The following GGTA1 variants were observed in gnomAD, a reference collection of about 807,000 sequenced individuals.
The protein encoded by GGTA1 is glycoprotein alpha-galactosyltransferase 1 (inactive).
GGTA1 carries 5 observed loss-of-function variants against 2.6 expected under a neutral mutation model. The observed-to-expected ratio is 1.92, with a 90% CI of 1.00 to 4.04. The LOEUF (loss-of-function observed/expected upper bound fraction) is 4.04. Ranked by LOEUF, GGTA1 falls within the 30% of genes most tolerant of loss-of-function variation. The probability of loss-of-function intolerance (pLI) is 0.00; values close to 1 mark genes in which losing one functional copy is unlikely to be tolerated. For synonymous variants in GGTA1, 17 were observed against 5.0 expected (o/e 3.38, Z -3.19); for missense variants, 50 against 16.7 (o/e 2.99, Z -3.47).
chr9:121,486,984 G>T (rs1185315216), intron 1 of GGTA1, among the ~76,000 whole-genome samples: 2 of 152,166 alleles, frequency 1.3e-5, no homozygotes, highest in Non-Finnish European at 2.9e-5. Context: ...AAACGAATCT[G>T]AAGACCAGCC....
intron 2 of GGTA1, among the ~76,000 whole-genome samples, chr9:121,465,318 C>T (rs557329826): frequency 1.3e-5 from 2 of 152,264 alleles, no homozygotes; most frequent in Non-Finnish European, 2.9e-5. Context: ...CGACTCCAGG[C>T]AGGAACCCCA....
intron 1 of GGTA1, among the ~76,000 whole-genome samples, chr9:121,475,235 A>T (rs889758992): frequency 1.3e-5 from 2 of 152,134 alleles, no homozygotes; most frequent in Admixed American, 1.3e-4. Flanking sequence ...CTACACTCCC[A>T]CCAGCACCAT....
chr9:121,480,046 T>TTTTTCTTTTCTTTTC lies in GGTA1; in HGVS notation c.-9-12130_-9-12116dup, dbSNP rs1244948883. On this transcript the variant is annotated intron_variant, in intron 1 of 5. Transcript: ENST00000481799. Reference sequence around the variant, plus strand: ...GGGCAGTGGATTTTCTTTCTTTCTTTTTTTCTTTTCTTTTCTTTTTTTTTT... The same window carrying TTTTTCTTTTCTTTTC: ...GGGCAGTGGATTTTCTTTCTTTCTTTTTTTCTTTTCTTTTCTTTTCTTTTCTTTTCTTTTTTTTTT... Among the ~76,000 whole-genome samples the TTTTTCTTTTCTTTTC allele has an allele frequency of 8.9e-4, 131 of 147,590 alleles. 2 individuals carry two copies. Among genetic ancestry groups the TTTTTCTTTTCTTTTC allele is most frequent in the Non-Finnish European group, 1.0e-3 (68 of 66,998 alleles).
At chr9:121,488,329 A>G (rs1828803710) in intron 1 of GGTA1, among the ~76,000 whole-genome samples, 3 of 152,032 alleles carry the variant, frequency 2.0e-5, no homozygotes, top group East Asian at 1.9e-4. Flanking sequence ...TAATCAATTC[A>G]TGTTCATTGA....
rs1413250868 is a variant in GGTA1, at chr9:121,463,322, T to A, written c.87A>T (p.Glu29Asp). Residue 29 changes from glutamate to aspartate, a missense_variant, in exon 3 of 6, where the codon GAA (glutamate) becomes GAT (aspartate). Coordinates refer to ENST00000481799, the MANE Select transcript of GGTA1 (RefSeq NM_001382585.1). ...IVFWEFINST[E>D]GSFLWIYHSK... ...AGTGATATATCCACAAGAAAGAGCC[T>A]TCTGTGCTAAAAGCAAAAAAGAAAT... 2.2e-6 allele frequency: 1 copy of A among 451,268 alleles called. No individual in the cohort carries two copies. Among genetic ancestry groups the A allele is most frequent in the East Asian group, 7.0e-5 (1 of 14,282 alleles). 28.0% of individuals were successfully genotyped at this position (451,268 alleles called of 1,614,324 possible). A position where few individuals can be genotyped will look rare whatever the true frequency, so the allele number is the denominator to read the frequency against.
chr9:121,492,372 C>G (rs1001498870), intron 1 of GGTA1, among the ~76,000 whole-genome samples: 1 of 152,226 alleles, frequency 6.6e-6, no homozygotes, highest in Non-Finnish European at 1.5e-5. Flanking sequence ...CTAGCAGCAC[C>G]AGCACGGGGT....
At chr9:121,497,580 G>A (rs997138990) in intron 1 of GGTA1, among the ~76,000 whole-genome samples, 1 of 151,916 alleles carries the variant, frequency 6.6e-6, no homozygotes, top group South Asian at 2.1e-4. Context: ...AGCCCCTCAG[G>A]CTCCAGTCTT....
chr9:121,472,905 T>C (rs758708752), intron 1 of GGTA1, among the ~76,000 whole-genome samples: 1 of 152,090 alleles, frequency 6.6e-6, no homozygotes, highest in Non-Finnish European at 1.5e-5. Flanking sequence ...CAGAGATGTT[T>C]ATGATTTTTT....
At chr9:121,495,198 G>A (rs752994047) in intron 1 of GGTA1, among the ~76,000 whole-genome samples, 8 of 151,994 alleles carry the variant, frequency 5.3e-5, no homozygotes, top group Non-Finnish European at 1.0e-4. Flanking sequence ...GGGATTACAG[G>A]TGTGAGCCAC....
intron 7 of GGTA1, among the ~76,000 whole-genome samples, chr9:121,447,849 G>A (rs1175761028): frequency 6.6e-6 from 1 of 152,120 alleles, no homozygotes; most frequent in Non-Finnish European, 1.5e-5. Context: ...CAGTCCGTGG[G>A]GAGCTGGAAT....
At chr9:121,447,419 T>C (rs1228670313) in exon 8 of GGTA1, 3 of 152,652 alleles carry the variant, frequency 2.0e-5, no homozygotes, top group African/African-American at 2.4e-5. Context: ...ATCATGCTGA[T>C]GTCTTGCCAC....
intron 1 of GGTA1, among the ~76,000 whole-genome samples, chr9:121,491,078 A>G (rs928091739): frequency 3.9e-5 from 6 of 152,170 alleles, no homozygotes; most frequent in Non-Finnish European, 8.8e-5. Context: ...AGAGTTTGCT[A>G]CATCAAACAC....
rs939299642 is a variant in GGTA1, at chr9:121,490,389, C to G, written c.-10+9261G>C. ...CACCCGATCTCATCTGAAACCTCCCCAGAAGGCTTTTGCCCTCCCTCAGCT... is the reference window on the plus strand; with the variant it reads ...CACCCGATCTCATCTGAAACCTCCCGAGAAGGCTTTTGCCCTCCCTCAGCT... On this transcript the variant is annotated intron_variant, in intron 1 of 5. Coordinates refer to ENST00000481799, the MANE Select transcript of GGTA1 (RefSeq NM_001382585.1). 7.9e-5 allele frequency among the ~76,000 whole-genome samples: 12 copies of G among 152,334 alleles called. No individual in the cohort carries two copies. In the South Asian group the frequency reaches 2.5e-3, roughly 32 times the overall value.
At chr9:121,494,350 G>A (rs1371671414) in intron 1 of GGTA1, among the ~76,000 whole-genome samples, 1 of 152,234 alleles carries the variant, frequency 6.6e-6, no homozygotes, top group African/African-American at 2.4e-5. Context: ...TAAAGCCCAA[G>A]CCTTGGAAAC....
chr9:121,463,178 C>T (rs2064974737), intron 3 of GGTA1, 115 bp downstream of exon 3: 3 of 427,002 alleles, frequency 7.0e-6, no homozygotes, highest in African/African-American at 4.2e-5. Context: ...ACCCACCCAC[C>T]CCTCCGACTT....
intron 5 of GGTA1, among the ~76,000 whole-genome samples, chr9:121,457,611 G>T (rs78760739): frequency 6.7e-6 from 1 of 150,112 alleles, no homozygotes; most frequent in Non-Finnish European, 1.5e-5. Flanking sequence ...TGAGGCAGGA[G>T]AATGGCATGA....
rs1046979187 is a variant in GGTA1 at position 121,457,532 on chromosome 9, C to T, written c.299-1691G>A. ...TGGCTAACACGATGAAACCCCGTCT[C>T]TAATAAAAATACAAAAAAATTAGCC... On this transcript the variant is annotated intron_variant, in intron 5 of 5. Coordinates refer to ENST00000481799, the MANE Select transcript of GGTA1 (RefSeq NM_001382585.1). Among the ~76,000 whole-genome samples, 3 of 151,978 alleles carry T rather than the reference C, an allele frequency of 2.0e-5. No individual in the cohort carries two copies. In the East Asian group the frequency reaches 5.9e-4, roughly 30 times the overall value.
downstream of GGTA1, among the ~76,000 whole-genome samples, chr9:121,450,884 T>C (rs2118746371): frequency 6.6e-6 from 1 of 152,310 alleles, no homozygotes; most frequent in South Asian, 2.1e-4. Context: ...GGAACAGTAA[T>C]AGCTGCTGGG....
downstream of GGTA1, among the ~76,000 whole-genome samples, chr9:121,452,787 AG>A (rs1269496165): frequency 6.6e-6 from 1 of 152,178 alleles, no homozygotes; most frequent in Non-Finnish European, 1.5e-5. Context: ...CCAAAGTGCC[AG>A]GATTACAGGC....
Sources: allele counts gnomAD v4.1 joint callset (sites outside exome capture counted in the v4.1 genomes callset), GRCh38; gene constraint gnomAD v4.1.1; transcripts MANE v1.5; gene names NCBI Gene and HGNC (gene_info 2026-07-23, HGNC 2026-07-21).